The following PC variants were observed in gnomAD, a reference collection of about 807,000 sequenced individuals.
The protein encoded by PC is pyruvate carboxylase, also known as pyruvate carboxylase, mitochondrial.
In PC, 46 loss-of-function variants were observed where a neutral mutation model predicts 107.8. The ratio of observed to expected loss-of-function variants is 0.43; its 90% CI spans 0.34 to 0.55. The LOEUF (loss-of-function observed/expected upper bound fraction) is 0.55, where lower values mean the gene tolerates loss of function less well. Among genes scored for constraint, PC ranks in the 20% least tolerant of loss-of-function variants. The probability of loss-of-function intolerance (pLI) is 0.04; values close to 1 mark genes in which losing one functional copy is unlikely to be tolerated. For missense variants in PC, 1,241 were observed against 1,643.1 expected, an observed-to-expected ratio of 0.76 and a Z score of 4.23; for synonymous variants, 662 against 684.7, an observed-to-expected ratio of 0.97 and a Z score of 0.52.
At chr11:66,930,426 C>T (rs1948818685) in intron 3 of PC, among the ~76,000 whole-genome samples, 4 of 152,198 alleles carry the variant, frequency 2.6e-5, no homozygotes, top group Admixed American at 2.6e-4. Flanking sequence ...AATTCTTGCT[C>T]ATGTGTTCCA....
In PC at chr11:66,849,810, G is replaced by A. The variant is rs867255717; in HGVS notation, c.2948C>T (p.Pro983Leu). 7 of 1,613,994 alleles carry A rather than the reference G, an allele frequency of 4.3e-6. No homozygotes were observed. Among genetic ancestry groups the A allele is most frequent in the Middle Eastern group, 1.7e-4 (1 of 6,060 alleles). ...RVEGRPGASL[P>L]PLDLQALEKE... ...CTCCAGTGCCTGCAGATCCAGGGGAGGGAGGGAGGCTCCAGGCCGCCCCTC... is the reference window on the plus strand; with the variant it reads ...CTCCAGTGCCTGCAGATCCAGGGGAAGGAGGGAGGCTCCAGGCCGCCCCTC... The change falls in exon 21 of 23, where the codon CCT (proline) becomes CTT (leucine). Residue 983 changes from proline (P) to leucine (L), a missense_variant. Pro to Leu is a moderately conservative substitution (Grantham distance 98, BLOSUM62 -3). Coordinates refer to ENST00000393960, the MANE Select transcript of PC (RefSeq NM_001040716.2).
intron 3 of PC, among the ~76,000 whole-genome samples, chr11:66,920,551 G>A (rs528441335): frequency 6.6e-6 from 1 of 152,258 alleles, no homozygotes; most frequent in African/African-American, 2.4e-5. Context: ...GAGCATCAGA[G>A]AGGACAGAGA....
intron 3 of PC, among the ~76,000 whole-genome samples, chr11:66,938,023 G>A (rs775650609): frequency 1.3e-5 from 2 of 152,048 alleles, no homozygotes; most frequent in African/African-American, 2.4e-5. Flanking sequence ...TGATCCACCT[G>A]CCTTGGCCTC....
At chr11:66,910,022 A>G (rs1321066126) in intron 3 of PC, among the ~76,000 whole-genome samples, 1 of 152,122 alleles carries the variant, frequency 6.6e-6, no homozygotes. Context: ...AAATTCAACA[A>G]TTAACCTTCC....
chr11:66,925,962 G>T (rs576704355), intron 3 of PC, among the ~76,000 whole-genome samples: 2 of 151,614 alleles, frequency 1.3e-5, no homozygotes, highest in African/African-American at 4.8e-5. Flanking sequence ...ATCATACATC[G>T]TAGGCTACTG....
chr11:66,856,974 G>A (rs1945883454), intron 12 of PC: 1 of 146,804 alleles, frequency 6.8e-6, no homozygotes, highest in Non-Finnish European at 1.5e-5. Flanking sequence ...GCGTGTCCCC[G>A]TGACCTCAGG....
In PC at chr11:66,955,993, G is replaced by A. The variant is rs946834063; in HGVS notation, c.-227-1557C>T. Among the ~76,000 whole-genome samples the A allele has an allele frequency of 5.3e-5, 8 of 151,998 alleles. No individual in the cohort carries two copies. In the South Asian group the frequency reaches 6.2e-4, roughly 12 times the overall value. Reference sequence around the variant, plus strand: ...TCACCATGTTGGCCAGGCTGGTCTCGAACTCCTGACCTCAGGTGATCCACC... The same window carrying A: ...TCACCATGTTGGCCAGGCTGGTCTCAAACTCCTGACCTCAGGTGATCCACC... On this transcript the variant is annotated intron_variant, in intron 1 of 22. Transcript: ENST00000393960.
intron 3 of PC, among the ~76,000 whole-genome samples, chr11:66,914,038 C>A (rs968527793): frequency 6.6e-6 from 1 of 152,166 alleles, no homozygotes; most frequent in Admixed American, 6.5e-5. Flanking sequence ...AGCCCAGGTA[C>A]GTCTCGTTTC....
chr11:66,885,582 G>A (rs1048620243), intron 3 of PC, among the ~76,000 whole-genome samples: 48 of 151,746 alleles, frequency 3.2e-4, no homozygotes, highest in Admixed American at 6.6e-5. Flanking sequence ...TATGCTTAGT[G>A]TCCTTATAAA....
chr11:66,893,155 G>A (rs935831397), intron 3 of PC, among the ~76,000 whole-genome samples: 1 of 152,198 alleles, frequency 6.6e-6, no homozygotes, highest in South Asian at 2.1e-4. Context: ...CCCAGGGCAC[G>A]ACTCACTCCC....
rs767914748 is a variant in PC, at chr11:66,850,349, T to G, written c.2589A>C (p.Glu863Asp). The change falls in exon 19 of 23, where the codon GAA (glutamate) becomes GAC (aspartate). Residue 863 changes from glutamate (E) to aspartate (D), a missense_variant. This residue lies in a region of PC where 1,143 missense variants were observed against 1,551.9 expected (regional missense o/e 0.74). Coordinates refer to ENST00000393960, the MANE Select transcript of PC (RefSeq NM_001040716.2). ...TGTACTGGCCCCCTGGGATCTCATT[T>G]TCATACACGTCCGAGTTGCCAGACT... The part of the protein sequence containing the change: ...TMKSGNSDVY[E>D]NEIPGGQYTN... 1 of 1,614,128 alleles carries G rather than the reference T, an allele frequency of 6.2e-7. No individual in the cohort carries two copies. Among genetic ancestry groups the G allele is most frequent in the South Asian group, 1.1e-5 (1 of 91,084 alleles).
chr11:66,926,045 A>G (rs1948708304), intron 3 of PC, among the ~76,000 whole-genome samples: 2 of 152,210 alleles, frequency 1.3e-5, no homozygotes, highest in South Asian at 4.1e-4. Context: ...AGATAATGAA[A>G]TGATATGGCA....
chr11:66,870,736 G>A lies in PC; in HGVS notation c.751+39C>T, dbSNP rs755955428. ...ACCAGGACTGGGCCTCTCAGCTCCC[G>A]CCTCCAGCTGCCCCAGGCGGGGCGT... On this transcript the variant is annotated intron_variant, in intron 8 of 22. Coordinates refer to ENST00000393960, the MANE Select transcript of PC (RefSeq NM_001040716.2). This position sits in a 1 kb window ranked among gnomAD's most constrained non-coding sequence, Gnocchi z 6.1. 1.9e-5 allele frequency: 30 copies of A among 1,566,574 alleles called. No homozygotes were observed. The highest frequency in any genetic ancestry group is 5.0e-5 in the Admixed American group (3 of 59,942).
At chr11:66,851,518 G>A (rs981380464) in intron 16 of PC, among the ~76,000 whole-genome samples, 1 of 152,186 alleles carries the variant, frequency 6.6e-6, no homozygotes, top group Non-Finnish European at 1.5e-5. Context: ...GAGTCTTGAG[G>A]CCTGGGTTCC....
Position 66,958,040 on chromosome 11 carries a change from G to A in PC, c.-228+282C>T, listed in dbSNP as rs1374570595. ...AGCAAGAATGAGGCAGCCCGCAGGC[G>A]GACGCTGCGGAGGGGCGCTCGGGGG... On this transcript the variant is annotated intron_variant, in intron 1 of 22. Coordinates refer to ENST00000393960, the MANE Select transcript of PC (RefSeq NM_001040716.2). The A allele has an allele frequency of 2.0e-5, 3 of 151,784 alleles. No individual in the cohort carries two copies. In the East Asian group the frequency reaches 5.8e-4, roughly 29 times the overall value. The allele number at this position is 151,784 out of a possible 1,614,324, so 9.4% of individuals were successfully genotyped here. A position where few individuals can be genotyped will look rare whatever the true frequency, so the allele number is the denominator to read the frequency against.
intron 3 of PC, among the ~76,000 whole-genome samples, chr11:66,949,255 G>A (rs1045388073): frequency 6.6e-6 from 1 of 151,746 alleles, no homozygotes; most frequent in Admixed American, 6.6e-5. Context: ...GCCTCCCAAA[G>A]TGCTAGGATT....
chr11:66,927,667 G>C (rs1364563253), intron 3 of PC, among the ~76,000 whole-genome samples: 2 of 151,264 alleles, frequency 1.3e-5, no homozygotes, highest in Non-Finnish European at 2.9e-5. Flanking sequence ...TGGTTGCAGT[G>C]AGCTGAGATC....
chr11:66,868,821 G>T, intron 10 of PC, 25 bp downstream of exon 10: 1 of 1,577,186 alleles, frequency 6.3e-7, no homozygotes, highest in Non-Finnish European at 8.7e-7. Flanking sequence ...CGCGCCTCCC[G>T]CCCCGCCTGC....
rs374068080 is a variant in PC at position 66,936,556 on chromosome 11, A to G, written c.-1+15874T>C. Among the ~76,000 whole-genome samples the G allele has an allele frequency of 1.4e-3, 208 of 152,272 alleles. 2 individuals are homozygous for G. In the Middle Eastern group the frequency reaches 0.034, roughly 25 times the overall value. On this transcript the variant is annotated intron_variant, in intron 3 of 22. Coordinates refer to ENST00000393960, the MANE Select transcript of PC (RefSeq NM_001040716.2). ...TTCTGTATTGTAATTCCATTCTGCT[A>G]TCTCCAAGCATTCAGTAAAATGTTG...
Sources: gnomAD v4.1 joint callset for allele counts (sites outside exome capture counted in the v4.1 genomes callset) on GRCh38, gnomAD v4.1.1 for gene constraint, gnomAD v4.1.1 regional missense constraint, Gnocchi (gnomAD v3.1) non-coding constraint, MANE v1.5 for transcripts, NCBI Gene and HGNC (gene_info 2026-07-23, HGNC 2026-07-21) for gene names.